TMEM108: variants seen among roughly 807,000 people sequenced by gnomAD.
The protein encoded by TMEM108 is transmembrane protein 108.
A neutral mutation model predicts 35.1 loss-of-function variants in TMEM108; 12 were observed. The observed-to-expected ratio is 0.34, with a 90% confidence interval of 0.22 to 0.55. The LOEUF (loss-of-function observed/expected upper bound fraction) is 0.55. TMEM108 is among the 20% of genes least tolerant of loss of function. TMEM108 has a pLI of 0.89. For missense variants in TMEM108, 680 were observed against 753.3 expected (o/e 0.90, Z 1.14); for synonymous variants, 287 against 308.6 (o/e 0.93, Z 0.73).
chr3:133,051,605 G>T (rs1350449550), intron 2 of TMEM108, among the ~76,000 whole-genome samples: 2 of 152,006 alleles, frequency 1.3e-5, no homozygotes, highest in Non-Finnish European at 2.9e-5. Flanking sequence ...GATCATTTAG[G>T]TTTTTTCCTG....
intron 3 of TMEM108, among the ~76,000 whole-genome samples, chr3:133,271,020 T>G (rs1288027740): frequency 1.3e-5 from 2 of 152,188 alleles, no homozygotes; most frequent in African/African-American, 4.8e-5. Context: ...CACTACCTTC[T>G]GTTATTCTTT....
rs6808842 is a variant in TMEM108 at position 133,154,371 on chromosome 3, A to T, written c.-46-74895A>T. On this transcript the variant is annotated intron_variant, in intron 2 of 5. Transcript: ENST00000321871. ...AGACATGAAGTCCTTGCCCATGCCT[A>T]TGTCCTGAATGGTATTGCCTAGGTT... Among the ~76,000 whole-genome samples the T allele has an allele frequency of 7.9e-3, 1,205 of 152,208 alleles. 12 individuals carry two copies. Among genetic ancestry groups the T allele is most frequent in the African/African-American group, 0.027 (1,123 of 41,514 alleles).
intron 3 of TMEM108, among the ~76,000 whole-genome samples, chr3:133,341,567 T>C (rs368793738): frequency 1.3e-5 from 2 of 151,848 alleles, no homozygotes; most frequent in African/African-American, 4.8e-5. Flanking sequence ...ACTGCAAAGA[T>C]CTAGAATAGC....
At chr3:133,195,926 C>A (rs139065529) in intron 2 of TMEM108, among the ~76,000 whole-genome samples, 8 of 152,272 alleles carry the variant, frequency 5.3e-5, no homozygotes, top group African/African-American at 1.9e-4. Flanking sequence ...CTTTCCATGC[C>A]AGTACTTCTT....
intron 2 of TMEM108, among the ~76,000 whole-genome samples, chr3:133,068,506 C>A (rs1943637807): frequency 6.6e-6 from 1 of 152,008 alleles, no homozygotes; most frequent in Non-Finnish European, 1.5e-5. Flanking sequence ...AATCTTATAC[C>A]ACCTCCTAGT....
chr3:133,078,506 G>A (rs1300924923), intron 2 of TMEM108, among the ~76,000 whole-genome samples: 1 of 152,138 alleles, frequency 6.6e-6, no homozygotes, highest in Non-Finnish European at 1.5e-5. Context: ...AAGGCTTGGA[G>A]GGGTCCAAGA....
rs192042552 is a variant in TMEM108 at position 133,106,257 on chromosome 3, T to C, written c.-47+60237T>C. Among the ~76,000 whole-genome samples, 11 of 150,836 alleles carry C rather than the reference T, an allele frequency of 7.3e-5. No homozygotes were observed. In the East Asian group the frequency reaches 2.0e-3, roughly 27 times the overall value. On this transcript the variant is annotated intron_variant, in intron 2 of 5. Transcript: ENST00000321871. ...TGTTACGTATTTGTAGTCTACAATG[T>C]ACTTTCTATACTGGATTTCACTTAG... is the stretch of plus-strand genomic sequence containing the variant.
intron 2 of TMEM108, among the ~76,000 whole-genome samples, chr3:133,053,512 A>G (rs969984977): frequency 6.6e-6 from 1 of 152,286 alleles, no homozygotes; most frequent in Admixed American, 6.5e-5. Flanking sequence ...CAAGGGGCCT[A>G]CATAGCCTAT....
At chr3:133,276,237 T>C (rs1329428889) in intron 3 of TMEM108, among the ~76,000 whole-genome samples, 2 of 152,244 alleles carry the variant, frequency 1.3e-5, no homozygotes, top group Non-Finnish European at 2.9e-5. Context: ...TTGTTTTAAC[T>C]CTGGCACCTC....
At chr3:133,381,919 CT>C (rs1003253385) in intron 4 of TMEM108, among the ~76,000 whole-genome samples, 27 of 152,068 alleles carry the variant, frequency 1.8e-4, no homozygotes, top group African/African-American at 6.5e-4. Context: ...GGACCTTGTC[CT>C]TAGTTTTTGC....
chr3:133,199,851 C>A (rs959933325), intron 2 of TMEM108, among the ~76,000 whole-genome samples: 9 of 152,146 alleles, frequency 5.9e-5, no homozygotes, highest in African/African-American at 2.2e-4. Flanking sequence ...TTCAGCTATG[C>A]CTTGCCCCCA....
intron 3 of TMEM108, among the ~76,000 whole-genome samples, chr3:133,235,127 T>G (rs1031798586): frequency 2.0e-5 from 3 of 152,108 alleles, no homozygotes; most frequent in African/African-American, 7.2e-5. Context: ...GGAAGAACAT[T>G]CCATGTTCAT....
At chr3:133,255,012 C>T (rs1946525470) in intron 3 of TMEM108, among the ~76,000 whole-genome samples, 1 of 152,204 alleles carries the variant, frequency 6.6e-6, no homozygotes, top group African/African-American at 2.4e-5. Flanking sequence ...TTGACTTCTT[C>T]ACAGTATGTT....
chr3:133,371,790 A>G (rs1039588523), intron 3 of TMEM108, among the ~76,000 whole-genome samples: 1 of 152,078 alleles, frequency 6.6e-6, no homozygotes, highest in African/African-American at 2.4e-5. Flanking sequence ...GTGATTTAGG[A>G]GGGTTTCTTA....
At chr3:133,250,030 G>T (rs1259000149) in intron 3 of TMEM108, among the ~76,000 whole-genome samples, 5 of 152,096 alleles carry the variant, frequency 3.3e-5, no homozygotes, top group Admixed American at 2.6e-4. Flanking sequence ...TCACAACTTG[G>T]CCTCCAGAGT....
intron 3 of TMEM108, among the ~76,000 whole-genome samples, chr3:133,308,549 T>C (rs1367054322): frequency 6.6e-6 from 1 of 152,154 alleles, no homozygotes; most frequent in African/African-American, 2.4e-5. Flanking sequence ...ATACCTAGTT[T>C]ATTGAGAGTT....
chr3:133,386,337 G>T, intron 4 of TMEM108: 2 of 1,476,392 alleles, frequency 1.4e-6, no homozygotes, highest in Non-Finnish European at 1.8e-6. Context: ...GCTCAAACAG[G>T]CCCGGGAAAG....
At chr3:133,170,913 C>T (rs1330036319) in intron 2 of TMEM108, among the ~76,000 whole-genome samples, 1 of 152,082 alleles carries the variant, frequency 6.6e-6, no homozygotes, top group Non-Finnish European at 1.5e-5. Flanking sequence ...TAGTTAAACC[C>T]CGTATCACCC....
At chr3:133,244,737 C>A (rs530073707) in intron 3 of TMEM108, among the ~76,000 whole-genome samples, 3 of 152,152 alleles carry the variant, frequency 2.0e-5, no homozygotes, top group Admixed American at 6.5e-5. Flanking sequence ...AGGAATACTT[C>A]GAAAACGTAA....
Sources: allele counts gnomAD v4.1 joint callset (sites outside exome capture counted in the v4.1 genomes callset), GRCh38; gene constraint gnomAD v4.1.1; transcripts MANE v1.5; gene names NCBI Gene and HGNC (gene_info 2026-07-23, HGNC 2026-07-21).